The following SOX5 variants were observed in gnomAD, a reference collection of about 807,000 sequenced individuals.
The protein encoded by SOX5 is transcription factor SOX-5.
Under a neutral mutation model 92.0 loss-of-function variants are expected in SOX5, and 9 were observed. That is an observed-to-expected ratio of 0.10 (90% CI 0.06 to 0.17). The LOEUF is 0.17. Among genes scored for constraint, SOX5 ranks in the 10% least tolerant of loss-of-function variants. The pLI, the probability that SOX5 is intolerant of heterozygous loss-of-function variation, is 1.00. For synonymous variants in SOX5, 344 were observed against 336.3 expected, an observed-to-expected ratio of 1.02 and a Z score of -0.25; for missense variants, 642 against 944.5, an observed-to-expected ratio of 0.68 and a Z score of 4.20.
At chr12:23,998,737 G>A (rs887828142) in intron 4 of SOX5, among the ~76,000 whole-genome samples, 4 of 136,392 alleles carry the variant, frequency 2.9e-5, no homozygotes, top group African/African-American at 5.4e-5. Context: ...GGAGGCGGAG[G>A]TTGCAATGAG....
intron 2 of SOX5, among the ~76,000 whole-genome samples, chr12:23,847,112 G>A (rs779855619): frequency 6.6e-6 from 1 of 151,954 alleles, no homozygotes; most frequent in Non-Finnish European, 1.5e-5. Flanking sequence ...ATTATCAGGA[G>A]GAGTGATAAT....
At chr12:23,876,144 G>C (rs922235445) in intron 2 of SOX5, among the ~76,000 whole-genome samples, 50 of 152,198 alleles carry the variant, frequency 3.3e-4, no homozygotes, top group African/African-American at 1.2e-3. Context: ...TCTATTAAAA[G>C]TATAGTAAAA....
intron 4 of SOX5, among the ~76,000 whole-genome samples, chr12:23,978,122 A>G (rs992622611): frequency 1.3e-5 from 2 of 152,188 alleles, no homozygotes; most frequent in African/African-American, 4.8e-5. Context: ...ATTCTGCTGG[A>G]GTAAGGACCC....
chr12:24,182,148 G>C (rs946442281), intron 4 of SOX5, among the ~76,000 whole-genome samples: 3 of 152,242 alleles, frequency 2.0e-5, no homozygotes, highest in South Asian at 4.1e-4. Context: ...TATTTTAGAG[G>C]ATGACAAGAG....
chr12:24,126,734 C>A (rs932126776), intron 4 of SOX5, among the ~76,000 whole-genome samples: 1 of 152,156 alleles, frequency 6.6e-6, no homozygotes, highest in African/African-American at 2.4e-5. Context: ...GCTTCACAAT[C>A]GAGCTGCAGG....
At chr12:24,025,636 A>G (rs1954796008) in intron 4 of SOX5, among the ~76,000 whole-genome samples, 1 of 152,076 alleles carries the variant, frequency 6.6e-6, no homozygotes. Context: ...TACAGGGAAG[A>G]GTAAAACATT....
chr12:23,805,891 C>T (rs1313564351), intron 3 of SOX5, among the ~76,000 whole-genome samples: 1 of 151,970 alleles, frequency 6.6e-6, no homozygotes, highest in East Asian at 1.9e-4. Context: ...GGTATGTGCC[C>T]AATTAGACAA....
At chr12:23,898,490 CCTTT>C (rs1185016230) in intron 1 of SOX5, among the ~76,000 whole-genome samples, 1 of 152,096 alleles carries the variant, frequency 6.6e-6, no homozygotes, top group Admixed American at 6.6e-5. Context: ...AGAACCATGA[CCTTT>C]CTGTTGATTT....
intron 2 of SOX5, among the ~76,000 whole-genome samples, chr12:24,318,513 T>C (rs1949918040): frequency 6.6e-6 from 1 of 152,204 alleles, no homozygotes; most frequent in African/African-American, 2.4e-5. Context: ...CAGGATCTTT[T>C]GAACAGAGAG....
intron 4 of SOX5, among the ~76,000 whole-genome samples, chr12:24,168,641 C>A (rs894500064): frequency 2.6e-5 from 4 of 152,162 alleles, no homozygotes; most frequent in African/African-American, 7.2e-5. Flanking sequence ...ATTAGCTTCA[C>A]AGCAGGCCAC....
chr12:24,448,462 C>T (rs1941813045), intron 1 of SOX5, among the ~76,000 whole-genome samples: 2 of 152,102 alleles, frequency 1.3e-5, no homozygotes, highest in African/African-American at 4.8e-5. Context: ...CTGGCAATAC[C>T]GAGCATTCAG....
intron 3 of SOX5, among the ~76,000 whole-genome samples, chr12:24,229,295 A>T (rs1025383159): frequency 1.3e-5 from 2 of 152,240 alleles, no homozygotes; most frequent in Non-Finnish European, 2.9e-5. Flanking sequence ...TGCACTAAAT[A>T]GCCCCGGTTT....
chr12:24,447,709 T>C (rs1941693240), intron 1 of SOX5, among the ~76,000 whole-genome samples: 1 of 152,158 alleles, frequency 6.6e-6, no homozygotes, highest in Non-Finnish European at 1.5e-5. Flanking sequence ...TATAAAACTA[T>C]TGTAAAATCA....
At chr12:24,349,123 T>G (rs1482369889) in intron 2 of SOX5, among the ~76,000 whole-genome samples, 2 of 152,260 alleles carry the variant, frequency 1.3e-5, no homozygotes, top group Non-Finnish European at 2.9e-5. Flanking sequence ...TGGATCCCTC[T>G]GTCTGGAGAT....
intron 8 of SOX5, among the ~76,000 whole-genome samples, chr12:23,613,779 T>C (rs568931707): frequency 2.6e-5 from 4 of 152,270 alleles, no homozygotes; most frequent in African/African-American, 9.6e-5. Context: ...ATAACAAATA[T>C]AGTATGATTC....
In SOX5 at chr12:24,105,489, C is replaced by T. The variant is rs146856179; in HGVS notation, c.-2+107854G>A. ...TGGGTGGGTGGAGGTTGCAGTGAGC[C>T]GAGATCATGCCACTGCACTCTGGCC... On this transcript the variant is annotated intron_variant, in intron 4 of 4. Transcript: ENST00000446891. Among the ~76,000 whole-genome samples, 236 of 152,084 alleles carry T rather than the reference C, an allele frequency of 1.6e-3. 2 individuals carry two copies. The highest frequency in any genetic ancestry group is 2.7e-3 in the Non-Finnish European group (185 of 67,974).
Position 24,396,906 on chromosome 12 carries a change from C to A in SOX5, c.-250-28267G>T, listed in dbSNP as rs78377686. On this transcript the variant is annotated intron_variant, in intron 1 of 4. Transcript: ENST00000446891. The stretch of plus-strand genomic sequence containing the variant: ...AAATATTTTAAGTACTGCTCTATAA[C>A]AAGGAGTTGGTTAAAACACAAGTTG... 4.5e-3 allele frequency among the ~76,000 whole-genome samples: 678 copies of A among 152,294 alleles called. 6 individuals are homozygous for A. The highest frequency in any genetic ancestry group is 0.015 in the African/African-American group (644 of 41,550).
At chr12:23,918,438 A>T (rs1414258767) in intron 1 of SOX5, among the ~76,000 whole-genome samples, 1 of 152,230 alleles carries the variant, frequency 6.6e-6, no homozygotes, top group East Asian at 1.9e-4. Flanking sequence ...GAAGCTAGCA[A>T]TAATCAATAT....
chr12:24,039,888 C>T (rs1236335898), intron 4 of SOX5, among the ~76,000 whole-genome samples: 6 of 152,294 alleles, frequency 3.9e-5, no homozygotes, highest in African/African-American at 9.6e-5. Flanking sequence ...TGTCTCAGTT[C>T]TGTCGGAAGG....
Sources: gnomAD v4.1 joint callset for allele counts (sites outside exome capture counted in the v4.1 genomes callset) on GRCh38, gnomAD v4.1.1 for gene constraint, MANE v1.5 for transcripts, NCBI Gene and HGNC (gene_info 2026-07-23, HGNC 2026-07-21) for gene names.